The following COG5 variants were observed in gnomAD, a reference collection of about 807,000 sequenced individuals.
COG5 encodes the protein conserved oligomeric Golgi complex subunit 5.
A neutral mutation model predicts 110.4 loss-of-function variants in COG5; 86 were observed. That is an observed-to-expected ratio of 0.78 (90% CI 0.65 to 0.93). COG5 has a LOEUF of 0.93. Among genes scored for constraint, COG5 ranks in the 40% least tolerant of loss-of-function variants. The pLI, the probability that COG5 is intolerant of heterozygous loss-of-function variation, is 0.00. For missense variants in COG5, 1,077 were observed against 987.0 expected (o/e 1.09, Z -1.22); for synonymous variants, 360 against 334.6 (o/e 1.08, Z -0.83).
At position 107,283,631 on chromosome 7, in the gene COG5, G is replaced by A. The variant is rs143591444; in HGVS notation, c.1415C>T (p.Pro472Leu). 139 of 1,613,520 alleles carry A rather than the reference G, an allele frequency of 8.6e-5. 1 individual carries two copies. In the South Asian group the frequency reaches 1.0e-3, roughly 12 times the overall value. Residue 472 changes from proline to leucine, a missense_variant, in exon 13 of 22, where the codon CCG becomes CTG. By Grantham distance (98) the Pro-to-Leu change is moderately conservative. Coordinates refer to ENST00000297135, the MANE Select transcript of COG5 (RefSeq NM_006348.5). The stretch of plus-strand genomic sequence containing the variant: ...AGAGGAAGGAGGATTACGACCACCC[G>A]GGGGAAAAACCAAGTTGATAGGATC... ...LFDPINLVFP[P>L]GGRNPPSSDE...
rs757640217 is a variant in COG5 at position 107,230,685 on chromosome 7, A to G, written c.2098T>C (p.Leu700=). The G allele has an allele frequency of 1.9e-6, 3 of 1,608,888 alleles. No individual in the cohort carries two copies. Among genetic ancestry groups the G allele is most frequent in the East Asian group, 2.2e-5 (1 of 44,810 alleles). The change falls in exon 19 of 22, where the codon TTG becomes CTG. Residue 700 remains leucine (L), a synonymous_variant. Transcript: ENST00000297135. ...RLAADFAQME[L]AVGPFCRRVS... is the part of the protein sequence containing the mutation. ...CGTCTACAGAATGGACCCACAGCCA[A>G]CTCCATCTGAAATATTAAAATATAC...
intron 7 of COG5, among the ~76,000 whole-genome samples, chr7:107,405,719 C>T (rs1791785471): frequency 6.6e-6 from 1 of 152,162 alleles, no homozygotes; most frequent in South Asian, 2.1e-4. Flanking sequence ...TGTGTCTTTC[C>T]TCCTCAATTC....
At chr7:107,212,845 TCACTCCTCC>T (rs932781143) in intron 19 of COG5, among the ~76,000 whole-genome samples, 15 of 152,184 alleles carry the variant, frequency 9.9e-5, no homozygotes, top group African/African-American at 3.6e-4. Context: ...CTTGACCATA[TCACTCCTCC>T]CACTCCTCCA....
At chr7:107,535,448 A>G (rs887423362) in intron 5 of COG5, among the ~76,000 whole-genome samples, 1 of 151,736 alleles carries the variant, frequency 6.6e-6, no homozygotes, top group Non-Finnish European at 1.5e-5. Flanking sequence ...AGAAGAATCA[A>G]ATAGACACAA....
chr7:107,420,042 T>G (rs1227519744), intron 6 of COG5, among the ~76,000 whole-genome samples: 1 of 152,234 alleles, frequency 6.6e-6, no homozygotes, highest in African/African-American at 2.4e-5. Flanking sequence ...CTTTAAAATA[T>G]GTAAAAATAT....
chr7:107,511,466 A>T (rs1269418254), intron 6 of COG5, among the ~76,000 whole-genome samples: 7 of 152,348 alleles, frequency 4.6e-5, no homozygotes, highest in African/African-American at 1.4e-4. Context: ...TACCAGACGT[A>T]CAAGGAGGAG....
At chr7:107,450,758 C>A (rs1795283557) in intron 6 of COG5, among the ~76,000 whole-genome samples, 1 of 152,150 alleles carries the variant, frequency 6.6e-6, no homozygotes, top group South Asian at 2.1e-4. Context: ...TACTGCCAGT[C>A]TTTTGGTTGT....
chr7:107,394,480 A>C (rs1172628806), intron 7 of COG5, among the ~76,000 whole-genome samples: 2 of 152,198 alleles, frequency 1.3e-5, no homozygotes, highest in South Asian at 2.1e-4. Flanking sequence ...AATAGAAAAG[A>C]AGCATAATTG....
At chr7:107,210,290 A>G in intron 21 of COG5, 1 of 1,408,624 alleles carries the variant, frequency 7.1e-7, no homozygotes, top group Non-Finnish European at 9.2e-7. Flanking sequence ...CATGGGACAC[A>G]GGATTGCACA....
At chr7:107,430,987 T>A (rs915689211) in intron 6 of COG5, among the ~76,000 whole-genome samples, 14 of 151,486 alleles carry the variant, frequency 9.2e-5, no homozygotes, top group Admixed American at 3.9e-4. Flanking sequence ...GTGGACAACC[T>A]CCAAAAACCA....
intron 10 of COG5, among the ~76,000 whole-genome samples, chr7:107,351,098 C>T (rs1812095849): frequency 6.6e-6 from 1 of 152,174 alleles, no homozygotes; most frequent in African/African-American, 2.4e-5. Flanking sequence ...AAGAAATCCT[C>T]TAACCTTTAC....
chr7:107,212,045 A>C (rs978124857), intron 19 of COG5, among the ~76,000 whole-genome samples: 4 of 152,140 alleles, frequency 2.6e-5, no homozygotes, highest in Non-Finnish European at 4.4e-5. Flanking sequence ...ACCCCAACTT[A>C]ATTACTCTAA....
At chr7:107,390,069 T>C (rs777671483) in intron 7 of COG5, among the ~76,000 whole-genome samples, 1 of 152,166 alleles carries the variant, frequency 6.6e-6, no homozygotes, top group Admixed American at 6.5e-5. Flanking sequence ...AATATATCTG[T>C]TCGAAATATT....
intron 14 of COG5, among the ~76,000 whole-genome samples, chr7:107,272,534 G>A (rs1804362036): frequency 6.6e-6 from 1 of 152,014 alleles, no homozygotes; most frequent in African/African-American, 2.4e-5. Context: ...AATTAACTGA[G>A]ACCTGTCTCA....
At chr7:107,332,189 T>G (rs1250599963) in intron 10 of COG5, among the ~76,000 whole-genome samples, 1 of 152,098 alleles carries the variant, frequency 6.6e-6, no homozygotes, top group African/African-American at 2.4e-5. Context: ...AAAAATAGAT[T>G]TAAGTGTTAT....
At position 107,298,152 on chromosome 7, in the gene COG5, G is replaced by A. The variant is rs759734221; in HGVS notation, c.1303C>T (p.Pro435Ser). 25 of 1,566,640 alleles carry A rather than the reference G, an allele frequency of 1.6e-5. No individual in the cohort carries two copies. Among genetic ancestry groups the A allele is most frequent in the Admixed American group, 6.9e-5 (4 of 57,750 alleles). ...DAQDIFIPKK[P>S]DYDPEKALKD... Reference sequence around the variant, plus strand: ...ATTAAACAAACATACTCATAATCTGGCTTTTTTGGTATGAATATATCTTGT... The same window carrying A: ...ATTAAACAAACATACTCATAATCTGACTTTTTTGGTATGAATATATCTTGT... The change falls in exon 12 of 22, where the codon CCA (proline) becomes TCA (serine). Residue 435 changes from proline (P) to serine (S), a missense_variant. Transcript: ENST00000297135.
rs369493436 is a variant in COG5, at chr7:107,238,461, TG to T, written c.1854-1775del. On this transcript the variant is annotated intron_variant, in intron 17 of 21. Coordinates refer to ENST00000297135, the MANE Select transcript of COG5 (RefSeq NM_006348.5). ...ATTGTAAGTAATGCTGCAATGAACATGGAAGTGCGTATATCTTTTGACATAC... is the reference window on the plus strand; with the variant it reads ...ATTGTAAGTAATGCTGCAATGAACATGAAGTGCGTATATCTTTTGACATAC... Among the ~76,000 whole-genome samples, 783 of 148,426 alleles carry T rather than the reference TG, an allele frequency of 5.3e-3. 9 individuals are homozygous for T. Among genetic ancestry groups the T allele is most frequent in the African/African-American group, 0.017 (700 of 40,546 alleles).
chr7:107,287,814 A>G (rs748540846), intron 12 of COG5, among the ~76,000 whole-genome samples: 1 of 151,714 alleles, frequency 6.6e-6, no homozygotes, highest in Non-Finnish European at 1.5e-5. Context: ...TCCATGTTGC[A>G]GCATGTACAG....
chr7:107,291,020 G>C (rs1376417939), intron 12 of COG5, among the ~76,000 whole-genome samples: 2 of 152,104 alleles, frequency 1.3e-5, no homozygotes, highest in African/African-American at 4.8e-5. Flanking sequence ...TTTTTACCAC[G>C]ATGTATCTGT....
Sources: allele counts gnomAD v4.1 joint callset (sites outside exome capture counted in the v4.1 genomes callset), GRCh38; gene constraint gnomAD v4.1.1; transcripts MANE v1.5; gene names NCBI Gene and HGNC (gene_info 2026-07-23, HGNC 2026-07-21).